Variants in LIMS1 observed in about 807,000 individuals in gnomAD.
LIMS1 encodes the protein LIM zinc finger domain containing 1.
In LIMS1, 18 loss-of-function variants were observed where a neutral mutation model predicts 44.1. The ratio of observed to expected loss-of-function variants is 0.41; its 90% CI spans 0.28 to 0.61. The LOEUF is 0.61. Among genes scored for constraint, LIMS1 ranks in the 20% least tolerant of loss-of-function variants. The probability of loss-of-function intolerance (pLI) is 0.32; values close to 1 mark genes in which losing one functional copy is unlikely to be tolerated. For missense variants in LIMS1, 201 were observed against 422.0 expected (o/e 0.48, Z 4.59); for synonymous variants, 93 against 149.1 (o/e 0.62, Z 2.74).
intron 1 of LIMS1, among the ~76,000 whole-genome samples, chr2:108,583,608 T>G (rs901851730): frequency 3.3e-5 from 5 of 152,062 alleles, no homozygotes; most frequent in Admixed American, 6.5e-5. Flanking sequence ...GCAAGTGTAT[T>G]GGGCATTGAA....
intron 6 of LIMS1, 50 bp downstream of exon 6, chr2:108,676,078 T>C: frequency 6.4e-7 from 1 of 1,550,664 alleles, no homozygotes; most frequent in South Asian, 1.2e-5. Flanking sequence ...TCTCCATGAT[T>C]AAGGGGTAAC....
At chr2:108,669,490 G>A (rs1180840335) in intron 2 of LIMS1, among the ~76,000 whole-genome samples, 2 of 152,144 alleles carry the variant, frequency 1.3e-5, no homozygotes, top group South Asian at 2.1e-4. Context: ...TTAAGCTGTG[G>A]TAGATATGTT....
At chr2:108,553,177 G>C (rs1196488312) in intron 1 of LIMS1, among the ~76,000 whole-genome samples, 2 of 152,102 alleles carry the variant, frequency 1.3e-5, no homozygotes, top group African/African-American at 4.8e-5. Flanking sequence ...GCTCTCTCCT[G>C]GACACAATTT....
chr2:108,646,956 C>T (rs888604171), intron 1 of LIMS1, among the ~76,000 whole-genome samples: 3 of 152,088 alleles, frequency 2.0e-5, no homozygotes, highest in Non-Finnish European at 2.9e-5. Flanking sequence ...CTCCTGATCT[C>T]GTGATCCGCC....
At chr2:108,567,374 G>T (rs1685328863) in intron 1 of LIMS1, among the ~76,000 whole-genome samples, 1 of 152,154 alleles carries the variant, frequency 6.6e-6, no homozygotes, top group East Asian at 1.9e-4. Context: ...GAGCTGCTGG[G>T]ATAGGCTCCA....
chr2:108,550,375 T>C (rs1158169549), intron 1 of LIMS1, among the ~76,000 whole-genome samples: 1 of 150,768 alleles, frequency 6.6e-6, no homozygotes, highest in Non-Finnish European at 1.5e-5. Context: ...GGCAGGTGCC[T>C]GTAGTCCCAG....
At chr2:108,588,107 T>C (rs766894548) in intron 1 of LIMS1, among the ~76,000 whole-genome samples, 3 of 152,242 alleles carry the variant, frequency 2.0e-5, no homozygotes, top group Admixed American at 6.5e-5. Flanking sequence ...CTGCATGTTA[T>C]ATGTGCTTTC....
At chr2:108,552,586 GT>G (rs1558784736) in intron 1 of LIMS1, among the ~76,000 whole-genome samples, 4 of 47,326 alleles carry the variant, frequency 8.5e-5, no homozygotes, top group Non-Finnish European at 1.5e-4. Context: ...TATATTTTGG[GT>G]GTGTGTGTGT....
chr2:108,554,601 G>A (rs1201184649), intron 1 of LIMS1, among the ~76,000 whole-genome samples: 1 of 152,136 alleles, frequency 6.6e-6, no homozygotes, highest in East Asian at 1.9e-4. Flanking sequence ...TGTTTAAAAA[G>A]CTTCTTAGTT....
rs577705517 is a variant in LIMS1 at position 108,614,662 on chromosome 2, A to G, written c.33-44943A>G. 3.9e-5 allele frequency among the ~76,000 whole-genome samples: 6 copies of G among 152,342 alleles called. No homozygotes were observed. In the East Asian group the frequency reaches 9.6e-4, roughly 24 times the overall value. On this transcript the variant is annotated intron_variant, in intron 1 of 9. Coordinates refer to ENST00000544547, the Ensembl canonical transcript of LIMS1. ...TTGAACTTTTATATCGGAGTTAGGA[A>G]AAAATAATAAATAAAGGGATAATAC...
At chr2:108,538,366 GT>G (rs1352162296) in intron 1 of LIMS1, among the ~76,000 whole-genome samples, 12 of 152,262 alleles carry the variant, frequency 7.9e-5, no homozygotes, top group South Asian at 6.2e-4. Flanking sequence ...GTTGGAGCAC[GT>G]TTTGGAGCTT....
chr2:108,636,431 C>T (rs948846793), intron 1 of LIMS1, among the ~76,000 whole-genome samples: 2 of 152,240 alleles, frequency 1.3e-5, no homozygotes, highest in African/African-American at 4.8e-5. Flanking sequence ...AGGAGCTAGA[C>T]ACCGAAGAAG....
intron 1 of LIMS1, among the ~76,000 whole-genome samples, chr2:108,575,753 A>G (rs1199390717): frequency 2.0e-5 from 3 of 152,206 alleles, no homozygotes; most frequent in Non-Finnish European, 4.4e-5. Flanking sequence ...TAACTATTGC[A>G]GAAATCAATC....
intron 1 of LIMS1, among the ~76,000 whole-genome samples, chr2:108,643,388 G>A (rs1248236105): frequency 6.6e-6 from 1 of 152,170 alleles, no homozygotes; most frequent in South Asian, 2.1e-4. Flanking sequence ...CCCGGGAAGC[G>A]CAAGGGGTTG....
chr2:108,575,511 A>T (rs549608888), intron 1 of LIMS1, among the ~76,000 whole-genome samples: 1 of 152,242 alleles, frequency 6.6e-6, no homozygotes, highest in Non-Finnish European at 1.5e-5. Flanking sequence ...TTCATCAGAG[A>T]ACATTCTTCT....
chr2:108,653,127 C>G (rs938730917), intron 1 of LIMS1, among the ~76,000 whole-genome samples: 2 of 152,042 alleles, frequency 1.3e-5, no homozygotes, highest in African/African-American at 4.8e-5. Flanking sequence ...AAGACTTGGT[C>G]CCCTGCTTCC....
At chr2:108,554,657 G>C (rs547292713) in intron 1 of LIMS1, among the ~76,000 whole-genome samples, 1 of 152,206 alleles carries the variant, frequency 6.6e-6, no homozygotes, top group South Asian at 2.1e-4. Flanking sequence ...TTCAATATCC[G>C]TGCCATTACA....
chr2:108,634,249 C>T (rs1433006805), intron 1 of LIMS1, among the ~76,000 whole-genome samples: 1 of 152,180 alleles, frequency 6.6e-6, no homozygotes, highest in African/African-American at 2.4e-5. Flanking sequence ...CAGCTGCCAG[C>T]TCTCATGCAG....
chr2:108,626,691 A>G (rs369621276), intron 1 of LIMS1, among the ~76,000 whole-genome samples: 2 of 152,326 alleles, frequency 1.3e-5, no homozygotes, highest in South Asian at 4.1e-4. Context: ...TTTATTCTAG[A>G]TTAAACTCTT....
Sources: allele counts gnomAD v4.1 joint callset (sites outside exome capture counted in the v4.1 genomes callset), GRCh38; gene constraint gnomAD v4.1.1; transcripts MANE v1.5; gene names NCBI Gene and HGNC (gene_info 2026-07-23, HGNC 2026-07-21).